ZSCAN25: variants seen among roughly 807,000 people sequenced by gnomAD.
ZSCAN25 encodes zinc finger and SCAN domain-containing protein 25.
ZSCAN25 carries 27 observed loss-of-function variants against 38.7 expected under a neutral mutation model. The observed-to-expected ratio is 0.70, with a 90% CI of 0.51 to 0.96. ZSCAN25 has a LOEUF of 0.96. ZSCAN25 is among the 40% of genes least tolerant of loss of function. The probability of loss-of-function intolerance (pLI) is 0.00; values close to 1 mark genes in which losing one functional copy is unlikely to be tolerated. For missense variants in ZSCAN25, 637 were observed against 705.9 expected, an observed-to-expected ratio of 0.90 and a Z score of 1.11; for synonymous variants, 273 against 277.7, an observed-to-expected ratio of 0.98 and a Z score of 0.17.
At chr7:99,714,140 T>G in the ZSCAN25 span, among the ~76,000 whole-genome samples, 2 of 152,216 alleles carry the variant, frequency 1.3e-5, no homozygotes, top group African/African-American at 4.8e-5. Context: ...GACCTTTTGT[T>G]GGAGAATGTG....
the ZSCAN25 span, among the ~76,000 whole-genome samples, chr7:99,698,439 T>C: frequency 1.3e-5 from 2 of 152,312 alleles, no homozygotes; most frequent in African/African-American, 2.4e-5. Context: ...ATTTTCTTAC[T>C]TCATACGGAT....
At chr7:99,720,692 A>G in the ZSCAN25 span, 1 of 366,254 alleles carries the variant, frequency 2.7e-6, no homozygotes, top group Non-Finnish European at 5.1e-6. Flanking sequence ...AAATGACAGG[A>G]GAGCATTTGT....
At chr7:99,650,529 A>G in the ZSCAN25 span, among the ~76,000 whole-genome samples, 1 of 152,216 alleles carries the variant, frequency 6.6e-6, no homozygotes, top group East Asian at 1.9e-4. Flanking sequence ...TGATGTGTTC[A>G]CACTATAAAA....
the ZSCAN25 span, chr7:99,650,019 A>G: frequency 3.0e-5 from 48 of 1,592,898 alleles, no homozygotes; most frequent in Non-Finnish European, 4.1e-5. Flanking sequence ...TTTAAAAAAT[A>G]TATACCCTTC....
intron 7 of ZSCAN25, among the ~76,000 whole-genome samples, chr7:99,627,911 G>A (rs766554801): frequency 6.6e-6 from 1 of 152,008 alleles, no homozygotes; most frequent in Non-Finnish European, 1.5e-5. Context: ...GACTGGTTAT[G>A]TTCTGTTTGT....
the ZSCAN25 span, chr7:99,708,925 C>A: frequency 7.8e-7 from 1 of 1,283,852 alleles, no homozygotes; most frequent in Non-Finnish European, 1.1e-6. Flanking sequence ...ACCTTTTAAA[C>A]ATAAAAAGAC....
the ZSCAN25 span, among the ~76,000 whole-genome samples, chr7:99,647,118 C>T: frequency 6.6e-6 from 1 of 152,214 alleles, no homozygotes; most frequent in African/African-American, 2.4e-5. Context: ...CCCATCCCTT[C>T]CCACTCAGGG....
the ZSCAN25 span, among the ~76,000 whole-genome samples, chr7:99,726,614 C>A: frequency 6.6e-6 from 1 of 152,190 alleles, no homozygotes; most frequent in Non-Finnish European, 1.5e-5. Flanking sequence ...AGCAGCTTAC[C>A]TGGGCTGTAC....
chr7:99,691,223 C>G, the ZSCAN25 span, among the ~76,000 whole-genome samples: 8 of 147,136 alleles, frequency 5.4e-5, no homozygotes, highest in African/African-American at 2.0e-4. Flanking sequence ...TGTACTCACT[C>G]AAAGGTTGGA....
chr7:99,653,341 C>T, the ZSCAN25 span, among the ~76,000 whole-genome samples: 1 of 152,072 alleles, frequency 6.6e-6, no homozygotes, highest in Non-Finnish European at 1.5e-5. This position sits in a 1 kb window ranked among gnomAD's most constrained non-coding sequence, Gnocchi z 4.2. Context: ...GTTCCAGCTA[C>T]TCAGGAGACA....
At chr7:99,683,848 C>T in the ZSCAN25 span, among the ~76,000 whole-genome samples, 2 of 152,118 alleles carry the variant, frequency 1.3e-5, no homozygotes, top group South Asian at 4.1e-4. Context: ...AATGTGTGGC[C>T]ACCATCTGGC....
chr7:99,654,530 T>C, the ZSCAN25 span, among the ~76,000 whole-genome samples: 1 of 152,238 alleles, frequency 6.6e-6, no homozygotes, highest in African/African-American at 2.4e-5. Flanking sequence ...TGAATAGTGC[T>C]GCAATAAACA....
chr7:99,664,960 G>C, the ZSCAN25 span, among the ~76,000 whole-genome samples: 334 of 152,266 alleles, frequency 2.2e-3, 1 homozygote, highest in Non-Finnish European at 4.2e-3. Flanking sequence ...TGGGGTTTGT[G>C]GTGGGGTGTT....
At chr7:99,655,904 A>G in the ZSCAN25 span, among the ~76,000 whole-genome samples, 21 of 152,036 alleles carry the variant, frequency 1.4e-4, no homozygotes, top group Admixed American at 9.2e-4. Context: ...GTATAAGAAT[A>G]TTTGTGATTT....
intron 7 of ZSCAN25, among the ~76,000 whole-genome samples, chr7:99,627,931 T>C: frequency 6.6e-6 from 1 of 151,926 alleles, no homozygotes; most frequent in East Asian, 1.9e-4. Context: ...TTGAACTGAA[T>C]GCTGTTTACG....
chr7:99,737,450 A>T, the ZSCAN25 span, among the ~76,000 whole-genome samples: 6 of 152,274 alleles, frequency 3.9e-5, no homozygotes, highest in Admixed American at 1.3e-4. Flanking sequence ...AGAAAGAAAG[A>T]TGCAGTTTCT....
Position 99,629,747 on chromosome 7 carries a change from CG to C in ZSCAN25, c.1366del (p.Glu456ArgfsTer155), listed in dbSNP as rs772117904. On this transcript the variant is annotated frameshift_variant, in exon 8 of 8. Transcript: ENST00000394152. LOFTEE classifies it high-confidence loss of function. The surrounding 1 kb of genome is among the most constrained non-coding windows in gnomAD (Gnocchi z 5.6). ...HLQVHRRTHT[G>X]EKPYTCECGK... is the part of the protein sequence containing the mutation. ...TGCAGGTGCACCGGAGGACGCACAC[CG>C]GGGAGAAGCCCTACACCTGCGAGTG... 3.1e-6 allele frequency: 5 copies of C among 1,614,114 alleles called. No homozygotes were observed. Among genetic ancestry groups the C allele is most frequent in the Non-Finnish European group, 4.2e-6 (5 of 1,180,006 alleles).
the ZSCAN25 span, among the ~76,000 whole-genome samples, chr7:99,697,623 CT>C: frequency 6.6e-6 from 1 of 152,142 alleles, no homozygotes; most frequent in Non-Finnish European, 1.5e-5. Flanking sequence ...ACCTTGTTTT[CT>C]CTTCTATAAT....
At chr7:99,663,365 A>G in the ZSCAN25 span, 1 of 991,394 alleles carries the variant, frequency 1.0e-6, no homozygotes, top group African/African-American at 1.7e-5. Flanking sequence ...CTTCAGTGAC[A>G]GCTGGGTTAC....
Sources: gnomAD v4.1 joint callset for allele counts (sites outside exome capture counted in the v4.1 genomes callset) on GRCh38, gnomAD v4.1.1 for gene constraint, Gnocchi (gnomAD v3.1) non-coding constraint, MANE v1.5 for transcripts, NCBI Gene and HGNC (gene_info 2026-07-23, HGNC 2026-07-21) for gene names.